The following STK3 variants were observed in gnomAD, a reference collection of about 807,000 sequenced individuals.
STK3 encodes the protein serine/threonine-protein kinase 3.
STK3 carries 41 observed loss-of-function variants against 58.0 expected under a neutral mutation model. The ratio of observed to expected loss-of-function variants is 0.71; its 90% CI spans 0.55 to 0.92. The LOEUF is 0.92. STK3 is among the 40% of genes least tolerant of loss of function. The pLI is 0.00. For synonymous variants in STK3, 170 were observed against 191.0 expected (o/e 0.89, Z 0.91); for missense variants, 479 against 602.7 (o/e 0.79, Z 2.15).
At chr8:98,939,330 G>A (rs1021575204) in intron 1 of STK3, among the ~76,000 whole-genome samples, 2 of 152,010 alleles carry the variant, frequency 1.3e-5, no homozygotes, top group African/African-American at 2.4e-5. Context: ...CCATGCATCA[G>A]AATCACCTGG....
intron 10 of STK3, among the ~76,000 whole-genome samples, chr8:98,460,347 C>A (rs902797256): frequency 1.3e-5 from 2 of 152,156 alleles, no homozygotes; most frequent in East Asian, 3.9e-4. Flanking sequence ...AATGCCTGTA[C>A]CCCCATTGTG....
intron 2 of STK3, among the ~76,000 whole-genome samples, chr8:98,434,699 G>A (rs924834675): frequency 1.3e-5 from 2 of 152,206 alleles, no homozygotes; most frequent in African/African-American, 4.8e-5. Flanking sequence ...AACAGAGGGA[G>A]GGGAAAGAGA....
chr8:98,627,785 T>C (rs1313904597), intron 6 of STK3, among the ~76,000 whole-genome samples: 2 of 152,182 alleles, frequency 1.3e-5, no homozygotes, highest in East Asian at 1.9e-4. Flanking sequence ...AAGATTTACA[T>C]CTATGTTTAC....
intron 6 of STK3, among the ~76,000 whole-genome samples, chr8:98,701,119 G>A (rs1429626728): frequency 6.9e-6 from 1 of 144,350 alleles, no homozygotes. Flanking sequence ...GCAGTGAGCT[G>A]TGATTGTGCC....
intron 3 of STK3, among the ~76,000 whole-genome samples, chr8:98,425,341 A>G (rs1253593970): frequency 1.3e-5 from 2 of 151,982 alleles, no homozygotes; most frequent in African/African-American, 4.8e-5. Context: ...ACACACACAC[A>G]CACACACACA....
At chr8:98,835,173 T>C (rs939999016) in intron 3 of STK3, among the ~76,000 whole-genome samples, 8 of 152,226 alleles carry the variant, frequency 5.3e-5, no homozygotes, top group Admixed American at 1.3e-4. Context: ...ATACCTCACA[T>C]AGCTCAGACT....
chr8:98,759,836 G>A (rs1035680865), intron 3 of STK3, among the ~76,000 whole-genome samples: 1 of 152,048 alleles, frequency 6.6e-6, no homozygotes, highest in South Asian at 2.1e-4. Context: ...TATCCATGGC[G>A]AACTGGTTCC....
At chr8:98,671,918 C>A (rs546439765) in intron 6 of STK3, among the ~76,000 whole-genome samples, 126 of 152,232 alleles carry the variant, frequency 8.3e-4, no homozygotes, top group African/African-American at 3.0e-3. Context: ...TAAGTGAGTC[C>A]TCATGAGATG....
chr8:98,703,627 C>T (rs1010400176), intron 6 of STK3, among the ~76,000 whole-genome samples: 4 of 152,054 alleles, frequency 2.6e-5, no homozygotes, highest in African/African-American at 9.7e-5. Flanking sequence ...CTTTTCTTTC[C>T]AGACTGTGCC....
chr8:98,665,980 G>C (rs1162376938), intron 6 of STK3, among the ~76,000 whole-genome samples: 2 of 151,982 alleles, frequency 1.3e-5, no homozygotes, highest in Non-Finnish European at 2.9e-5. Flanking sequence ...TGGGATTACA[G>C]GCGTGAGCCA....
chr8:98,780,778 A>C (rs1832041808), intron 1 of STK3, among the ~76,000 whole-genome samples: 1 of 152,180 alleles, frequency 6.6e-6, no homozygotes, highest in Non-Finnish European at 1.5e-5. Context: ...TAGAAATATA[A>C]TTTTTGGTGT....
intron 9 of STK3, among the ~76,000 whole-genome samples, chr8:98,542,260 A>G (rs572390490): frequency 6.6e-6 from 1 of 152,062 alleles, no homozygotes; most frequent in African/African-American, 2.4e-5. Context: ...CTTCCATGAC[A>G]CTCTCCTCAT....
intron 8 of STK3, among the ~76,000 whole-genome samples, chr8:98,575,612 G>T (rs552543264): frequency 6.6e-6 from 1 of 151,234 alleles, no homozygotes; most frequent in African/African-American, 2.4e-5. Flanking sequence ...ATTGTAAGTT[G>T]TAAGAGTTCT....
At chr8:98,407,689 C>A (rs1026729900) in intron 3 of STK3, among the ~76,000 whole-genome samples, 1 of 151,718 alleles carries the variant, frequency 6.6e-6, no homozygotes, top group East Asian at 1.9e-4. Context: ...GAGGAGCTCA[C>A]CTTCTAGCCC....
At chr8:98,579,890 T>G (rs950841563) in intron 7 of STK3, 101 bp from the exon 8 acceptor site, 5 of 1,080,048 alleles carry the variant, frequency 4.6e-6, no homozygotes, top group Non-Finnish European at 6.2e-6. Context: ...GATCACAGGC[T>G]TCAATGATTG....
At position 98,805,346 on chromosome 8, in the gene STK3, G is replaced by A. The variant is rs182605642; in HGVS notation, c.26+20169C>T. Among the ~76,000 whole-genome samples, 1,025 of 152,204 alleles carry A rather than the reference G, an allele frequency of 6.7e-3. 8 individuals are homozygous for A. The highest frequency in any genetic ancestry group is 0.023 in the African/African-American group (957 of 41,530). The stretch of plus-strand genomic sequence containing the variant: ...TGTAATCCCAGCACTTTGGGAGGCC[G>A]AGGCGGGCAGATCACTTGAGGTCAG... On this transcript the variant is annotated intron_variant, in intron 1 of 10. Coordinates refer to ENST00000419617, the MANE Select transcript of STK3 (RefSeq NM_006281.4).
chr8:98,661,712 A>C (rs1316952651), intron 6 of STK3, among the ~76,000 whole-genome samples: 1 of 151,916 alleles, frequency 6.6e-6, no homozygotes, highest in Admixed American at 6.5e-5. Context: ...CCACATACAT[A>C]AATAATCTAC....
intron 2 of STK3, among the ~76,000 whole-genome samples, chr8:98,377,420 C>T (rs1043226592): frequency 1.3e-5 from 2 of 151,932 alleles, no homozygotes; most frequent in Non-Finnish European, 2.9e-5. Flanking sequence ...AATTTCAATA[C>T]ATTATTTTTA....
chr8:98,428,279 C>T lies in STK3; in HGVS notation n.483+5848G>A. 2 of 1,614,164 alleles carry T rather than the reference C, an allele frequency of 1.2e-6. No individual in the cohort carries two copies. On this transcript the variant is annotated intron_variant and non_coding_transcript_variant, in intron 3 of 3. Transcript: ENST00000517832. This position sits in a 1 kb window ranked among gnomAD's most constrained non-coding sequence, Gnocchi z 6.7. Reference sequence around the variant, plus strand: ...TCATGGCTGAGCTATGTGTCTTCTCCTTCAGCCAGGAGATCGAGTACTGGG... The same window carrying T: ...TCATGGCTGAGCTATGTGTCTTCTCTTTCAGCCAGGAGATCGAGTACTGGG...
Sources: allele counts gnomAD v4.1 joint callset (sites outside exome capture counted in the v4.1 genomes callset), GRCh38; gene constraint gnomAD v4.1.1; non-coding constraint Gnocchi (gnomAD v3.1); transcripts MANE v1.5; gene names NCBI Gene and HGNC (gene_info 2026-07-23, HGNC 2026-07-21).